Variants in PTPRG observed in about 807,000 individuals in gnomAD.
PTPRG encodes receptor-type tyrosine-protein phosphatase gamma.
PTPRG carries 102 observed loss-of-function variants against 165.3 expected under a neutral mutation model. The ratio of observed to expected loss-of-function variants is 0.62; its 90% CI spans 0.53 to 0.73. PTPRG has a LOEUF of 0.73. Among genes scored for constraint, PTPRG ranks in the 30% least tolerant of loss-of-function variants. The pLI is 0.00. For missense variants in PTPRG, 1,866 were observed against 1,861.4 expected, an observed-to-expected ratio of 1.00 and a Z score of -0.05; for synonymous variants, 675 against 669.5, an observed-to-expected ratio of 1.01 and a Z score of -0.13.
chr3:61,865,400 G>T (rs1459013237), intron 2 of PTPRG, among the ~76,000 whole-genome samples: 5 of 152,160 alleles, frequency 3.3e-5, no homozygotes, highest in Admixed American at 6.5e-5. Flanking sequence ...ACTTGTTCTA[G>T]CTGAGGAAAC....
At chr3:61,802,940 ATCT>A (rs1270342293) in intron 2 of PTPRG, among the ~76,000 whole-genome samples, 1 of 152,228 alleles carries the variant, frequency 6.6e-6, no homozygotes, top group East Asian at 1.9e-4. Flanking sequence ...TGGTAGGTTC[ATCT>A]TCTTCTTTAT....
chr3:61,706,636 G>A (rs762955597), intron 1 of PTPRG, among the ~76,000 whole-genome samples: 1 of 151,842 alleles, frequency 6.6e-6, no homozygotes, highest in Non-Finnish European at 1.5e-5. Flanking sequence ...TGGAATTACA[G>A]GCGCTACCAC....
At chr3:61,958,342 T>C (rs76852873) in intron 2 of PTPRG, among the ~76,000 whole-genome samples, 17,791 of 152,004 alleles carry the variant, frequency 0.12, 1,300 homozygotes, top group African/African-American at 0.2. Context: ...GTTGGCCAGG[T>C]CAGGCTGGTC....
intron 15 of PTPRG, among the ~76,000 whole-genome samples, chr3:62,251,588 A>G (rs1477577071): frequency 2.6e-5 from 4 of 152,092 alleles, no homozygotes; most frequent in Non-Finnish European, 5.9e-5. Flanking sequence ...GTGAGATACA[A>G]TTGAGCAGCT....
chr3:62,292,220 T>C (rs1468187045), intron 28 of PTPRG, among the ~76,000 whole-genome samples: 1 of 152,142 alleles, frequency 6.6e-6, no homozygotes, highest in Non-Finnish European at 1.5e-5. Flanking sequence ...CAATTTGGGA[T>C]ACTCCACTTT....
chr3:62,136,223 T>C (rs774768001), intron 6 of PTPRG, among the ~76,000 whole-genome samples: 4 of 152,148 alleles, frequency 2.6e-5, no homozygotes, highest in Non-Finnish European at 4.4e-5. Context: ...AAGCTAGGCA[T>C]TGAGACATGG....
chr3:62,195,125 C>G lies in PTPRG; in HGVS notation c.1282C>G (p.Arg428Gly). ...CCTGTTCCGAGTCCAGGCCGTGTGT[C>G]GGAACGACATGCGCAGCGACTTTAG... ...LYLFRVQAVC[R>G]NDMRSDFSQT... The change falls in exon 10 of 30, where the codon CGG becomes GGG. Residue 428 changes from arginine (R) to glycine (G), a missense_variant. Arg to Gly is a moderately radical substitution (Grantham distance 125). This residue lies in a region of PTPRG where 1,452 missense variants were observed against 1,463.0 expected (regional missense o/e 0.99). Coordinates refer to ENST00000474889, the MANE Select transcript of PTPRG (RefSeq NM_002841.4). This position sits in a 1 kb window ranked among gnomAD's most constrained non-coding sequence, Gnocchi z 4.4. 1 of 1,614,194 alleles carries G rather than the reference C, an allele frequency of 6.2e-7. No individual in the cohort carries two copies. Among genetic ancestry groups the G allele is most frequent in the Non-Finnish European group, 8.5e-7 (1 of 1,180,040 alleles).
At chr3:61,857,690 C>G (rs2037151017) in intron 2 of PTPRG, among the ~76,000 whole-genome samples, 2 of 152,194 alleles carry the variant, frequency 1.3e-5, no homozygotes, top group South Asian at 4.1e-4. Flanking sequence ...CCTGCAAAGA[C>G]TAATATAGTT....
At chr3:61,953,497 C>T (rs1356895853) in intron 2 of PTPRG, among the ~76,000 whole-genome samples, 1 of 152,190 alleles carries the variant, frequency 6.6e-6, no homozygotes, top group African/African-American at 2.4e-5. Context: ...GGCAGCACTT[C>T]TAAAGGTTAC....
intron 4 of PTPRG, among the ~76,000 whole-genome samples, chr3:62,077,501 G>T (rs75355512): frequency 2.0e-5 from 3 of 152,074 alleles, no homozygotes; most frequent in Non-Finnish European, 2.9e-5. Flanking sequence ...TAATGTGTGG[G>T]TTAGCTTTTT....
Position 61,583,179 on chromosome 3 carries a change from C to G in PTPRG, c.85+20807C>G, listed in dbSNP as rs147736113. On this transcript the variant is annotated intron_variant, in intron 1 of 29. Coordinates refer to ENST00000474889, the MANE Select transcript of PTPRG (RefSeq NM_002841.4). Reference sequence around the variant, plus strand: ...AAAGCCATTAGTGACTGCTAGCTGGCAGATGGGCCCTGCAGAGATTTGAGA... The same window carrying G: ...AAAGCCATTAGTGACTGCTAGCTGGGAGATGGGCCCTGCAGAGATTTGAGA... 5.9e-5 allele frequency among the ~76,000 whole-genome samples: 9 copies of G among 152,310 alleles called. No homozygotes were observed. In the East Asian group the frequency reaches 1.7e-3, roughly 29 times the overall value.
chr3:61,656,416 G>A (rs965910131), intron 1 of PTPRG, among the ~76,000 whole-genome samples: 5 of 152,140 alleles, frequency 3.3e-5, no homozygotes, highest in African/African-American at 9.6e-5. Context: ...AAAACTGACC[G>A]TTTCATAAAA....
intron 2 of PTPRG, among the ~76,000 whole-genome samples, chr3:61,950,841 C>T (rs192266730): frequency 2.7e-4 from 41 of 152,324 alleles, no homozygotes; most frequent in Non-Finnish European, 5.1e-4. Flanking sequence ...AGCTCAGTTG[C>T]TGCATGGCAT....
At chr3:61,952,826 C>A (rs1401049040) in intron 2 of PTPRG, among the ~76,000 whole-genome samples, 1 of 152,164 alleles carries the variant, frequency 6.6e-6, no homozygotes, top group Non-Finnish European at 1.5e-5. Flanking sequence ...ATTTTCTCCC[C>A]TACTCACTGC....
intron 1 of PTPRG, chr3:61,738,991 G>GTTTTTTTT (rs1202711922): frequency 3.5e-5 from 1 of 28,292 alleles, no homozygotes; most frequent in Non-Finnish European, 6.1e-5. Context: ...TTTTTTTTTT[G>GTTTTTTTT]TTTTTTTTTT....
chr3:62,018,738 G>T (rs1415326485), intron 4 of PTPRG, among the ~76,000 whole-genome samples: 1 of 152,212 alleles, frequency 6.6e-6, no homozygotes, highest in Non-Finnish European at 1.5e-5. Context: ...GGTCAACTCT[G>T]ATAGGACAAA....
intron 4 of PTPRG, among the ~76,000 whole-genome samples, chr3:62,057,045 A>T (rs983829928): frequency 1.3e-5 from 2 of 152,248 alleles, no homozygotes; most frequent in African/African-American, 4.8e-5. Context: ...AAGCTCTTTC[A>T]TCTAAACAAC....
At chr3:61,868,729 G>A (rs1311544638) in intron 2 of PTPRG, among the ~76,000 whole-genome samples, 1 of 152,166 alleles carries the variant, frequency 6.6e-6, no homozygotes, top group Non-Finnish European at 1.5e-5. Flanking sequence ...ACTCTCCAGG[G>A]TTGTGGTCAA....
chr3:61,581,701 C>T (rs1360277461), intron 1 of PTPRG, among the ~76,000 whole-genome samples: 1 of 151,346 alleles, frequency 6.6e-6, no homozygotes, highest in African/African-American at 2.4e-5. Context: ...CCTCTGCTTC[C>T]CAGGTTCAAG....
Sources: gnomAD v4.1 joint callset for allele counts (sites outside exome capture counted in the v4.1 genomes callset) on GRCh38, gnomAD v4.1.1 for gene constraint, gnomAD v4.1.1 regional missense constraint, Gnocchi (gnomAD v3.1) non-coding constraint, MANE v1.5 for transcripts, NCBI Gene and HGNC (gene_info 2026-07-23, HGNC 2026-07-21) for gene names.